Variants in HACD1 observed in about 807,000 individuals in gnomAD.
HACD1 encodes the protein very-long-chain (3R)-3-hydroxyacyl-CoA dehydratase 1.
A neutral mutation model predicts 32.0 loss-of-function variants in HACD1; 41 were observed. The ratio of observed to expected loss-of-function variants is 1.28; its 90% confidence interval spans 1.00 to 1.66. The LOEUF (loss-of-function observed/expected upper bound fraction) is 1.66, where lower values mean the gene tolerates loss of function less well. HACD1 is among the 40% of genes most tolerant of loss of function. HACD1 has a pLI of 0.00. For synonymous variants in HACD1, 142 were observed against 139.0 expected, an observed-to-expected ratio of 1.02 and a Z score of -0.15; for missense variants, 396 against 380.1, an observed-to-expected ratio of 1.04 and a Z score of -0.35.
At chr10:17,611,221 C>G (rs531456551) in intron 1 of HACD1, among the ~76,000 whole-genome samples, 1 of 152,190 alleles carries the variant, frequency 6.6e-6, no homozygotes, top group East Asian at 1.9e-4. Context: ...AGGATGGTCT[C>G]GATCTCCTGA....
At chr10:17,599,978 G>A (rs1392262986) in intron 4 of HACD1, among the ~76,000 whole-genome samples, 2 of 152,118 alleles carry the variant, frequency 1.3e-5, no homozygotes, top group Non-Finnish European at 2.9e-5. Context: ...AGTTTCACTG[G>A]TCCCACACTT....
At chr10:17,604,795 T>C (rs1554816918) in intron 1 of HACD1, among the ~76,000 whole-genome samples, 1 of 152,174 alleles carries the variant, frequency 6.6e-6, no homozygotes, top group Non-Finnish European at 1.5e-5. Flanking sequence ...TGCCTTGACG[T>C]CCAGGGCTCA....
chr10:17,596,382 C>T (rs1833995285), intron 5 of HACD1, among the ~76,000 whole-genome samples: 1 of 152,062 alleles, frequency 6.6e-6, no homozygotes. Context: ...TTCCCTATTC[C>T]TCAATTTATT....
chr10:17,613,310 CCA>C (rs1335325143), intron 1 of HACD1, among the ~76,000 whole-genome samples: 2 of 151,982 alleles, frequency 1.3e-5, no homozygotes, highest in Non-Finnish European at 2.9e-5. Context: ...AATAAACACG[CCA>C]AAGTTCTGTT....
At chr10:17,613,778 C>T (rs1274576600) in intron 1 of HACD1, among the ~76,000 whole-genome samples, 1 of 152,004 alleles carries the variant, frequency 6.6e-6, no homozygotes, top group Non-Finnish European at 1.5e-5. Context: ...GGCAGGAGAC[C>T]CGGAAAACTT....
intron 1 of HACD1, 37 bp downstream of exon 1, chr10:17,617,046 G>A (rs541439815): frequency 9.4e-6 from 13 of 1,386,838 alleles, no homozygotes; most frequent in Admixed American, 3.6e-5. Context: ...GGACCGCGGC[G>A]CGGGGAGGGC....
intron 4 of HACD1, among the ~76,000 whole-genome samples, chr10:17,601,635 C>T (rs1044351296): frequency 1.6e-4 from 24 of 152,130 alleles, no homozygotes; most frequent in Non-Finnish European, 3.2e-4. Flanking sequence ...GGTCCTAACT[C>T]AGCTATTATA....
chr10:17,599,061 T>C (rs1275939069), intron 5 of HACD1: 5 of 775,882 alleles, frequency 6.4e-6, no homozygotes, highest in Non-Finnish European at 8.6e-6. Flanking sequence ...TACCACAATT[T>C]GTCTCACATT....
rs1834034058 is a variant in HACD1, at chr10:17,599,185, A to G, written c.605+105T>C. The G allele has an allele frequency of 2.0e-6, 3 of 1,522,746 alleles. No homozygotes were observed. In the East Asian group the frequency reaches 6.9e-5, roughly 35 times the overall value. 94.3% of individuals were successfully genotyped at this position (1,522,746 alleles called of 1,614,324 possible). A position where few individuals can be genotyped will look rare whatever the true frequency, so the allele number is the denominator to read the frequency against. The stretch of plus-strand genomic sequence containing the variant: ...TACCAGTTATACCTCCTATAACAGC[A>G]TTCTGGCATCGTGGGGCTGAAACAC... On this transcript the variant is annotated intron_variant, in intron 5 of 6. Coordinates refer to ENST00000361271, the MANE Select transcript of HACD1 (RefSeq NM_014241.4).
chr10:17,598,164 G>A (rs1024405473), intron 5 of HACD1, among the ~76,000 whole-genome samples: 6 of 150,474 alleles, frequency 4.0e-5, no homozygotes, highest in African/African-American at 1.2e-4. Context: ...GGAGGCTGAG[G>A]CAGGAGAATC....
chr10:17,613,142 G>GT (rs782364702), intron 1 of HACD1, among the ~76,000 whole-genome samples: 6,743 of 96,576 alleles, frequency 0.07, 227 homozygotes, highest in East Asian at 0.18. Context: ...GTGTGTGTGT[G>GT]TGTGTTTTGT....
intron 1 of HACD1, among the ~76,000 whole-genome samples, chr10:17,616,278 T>C (rs1237086547): frequency 1.3e-5 from 2 of 151,814 alleles, no homozygotes; most frequent in African/African-American, 4.8e-5. Flanking sequence ...AATAAATAAA[T>C]AAATAATAAA....
chr10:17,612,298 G>A (rs1031620444), intron 1 of HACD1, among the ~76,000 whole-genome samples: 2 of 152,030 alleles, frequency 1.3e-5, no homozygotes, highest in Admixed American at 6.6e-5. Context: ...CTGTCAAAAA[G>A]TATAATTATG....
At chr10:17,597,299 G>C (rs1487696299) in intron 5 of HACD1, among the ~76,000 whole-genome samples, 1 of 152,048 alleles carries the variant, frequency 6.6e-6, no homozygotes, top group East Asian at 1.9e-4. Context: ...GGCACATGTG[G>C]CTAATTTTTT....
At chr10:17,597,797 T>A (rs1443448985) in intron 5 of HACD1, among the ~76,000 whole-genome samples, 1 of 152,218 alleles carries the variant, frequency 6.6e-6, no homozygotes, top group Non-Finnish European at 1.5e-5. Flanking sequence ...CACATTTTCA[T>A]GTACAGTAAG....
At chr10:17,599,109 T>C (rs1308508149) in intron 5 of HACD1, 181 bp downstream of exon 5, 1 of 1,118,952 alleles carries the variant, frequency 8.9e-7, no homozygotes, top group East Asian at 3.0e-5. Flanking sequence ...GATTCCTCTC[T>C]CATCATTAAG....
At chr10:17,602,755 G>A (rs1048731371) in intron 4 of HACD1, among the ~76,000 whole-genome samples, 67 of 151,926 alleles carry the variant, frequency 4.4e-4, no homozygotes, top group Non-Finnish European at 7.6e-4. Context: ...TAGATCTCTT[G>A]AACTTAATTC....
chr10:17,592,178 C>T (rs1368088538), intron 6 of HACD1, among the ~76,000 whole-genome samples: 7 of 151,732 alleles, frequency 4.6e-5, no homozygotes, highest in African/African-American at 1.5e-4. Context: ...GACGGGGTTT[C>T]ACCATGGTGG....
At chr10:17,605,482 G>A (rs55679502) in intron 1 of HACD1, among the ~76,000 whole-genome samples, 8,276 of 149,934 alleles carry the variant, frequency 0.055, 276 homozygotes, top group Middle Eastern at 0.082. Flanking sequence ...CCAAGATCAC[G>A]CCACTGCATT....
Sources: gnomAD v4.1 joint callset for allele counts (sites outside exome capture counted in the v4.1 genomes callset) on GRCh38, gnomAD v4.1.1 for gene constraint, MANE v1.5 for transcripts, NCBI Gene and HGNC (gene_info 2026-07-23, HGNC 2026-07-21) for gene names.